BTC: variants seen among roughly 807,000 people sequenced by gnomAD.
BTC encodes betacellulin.
A neutral mutation model predicts 18.1 loss-of-function variants in BTC; 13 were observed. That is an observed-to-expected ratio of 0.72 (90% CI 0.47 to 1.14). BTC has a LOEUF of 1.14. Ranked by LOEUF, BTC falls within the 50% of genes most tolerant of loss-of-function variation. The pLI is 0.00. For missense variants in BTC, 247 were observed against 224.2 expected, an observed-to-expected ratio of 1.10 and a Z score of -0.65; for synonymous variants, 83 against 79.4, an observed-to-expected ratio of 1.05 and a Z score of -0.24.
intron 1 of BTC, among the ~76,000 whole-genome samples, chr4:74,778,398 T>A: frequency 6.6e-6 from 1 of 152,048 alleles, no homozygotes; most frequent in East Asian, 1.9e-4. Context: ...ACCACTTTAT[T>A]TGAGAGTTAC....
intron 2 of BTC, among the ~76,000 whole-genome samples, chr4:74,759,141 C>T (rs1724681700): frequency 1.3e-5 from 2 of 152,060 alleles, no homozygotes; most frequent in South Asian, 2.1e-4. Flanking sequence ...GTTTTCTGCC[C>T]ATCATGAGAC....
At chr4:74,782,617 G>T (rs1725363248) in intron 1 of BTC, among the ~76,000 whole-genome samples, 1 of 151,454 alleles carries the variant, frequency 6.6e-6, no homozygotes, top group African/African-American at 2.4e-5. Flanking sequence ...TATATGCCCA[G>T]TAATGGGATT....
intron 2 of BTC, among the ~76,000 whole-genome samples, chr4:74,768,787 G>C (rs145115645): frequency 2.8e-3 from 419 of 152,266 alleles, no homozygotes; most frequent in African/African-American, 9.4e-3. Context: ...TTAGGATGAT[G>C]ATGAGGAAGA....
intron 1 of BTC, among the ~76,000 whole-genome samples, chr4:74,787,250 TC>T (rs1354456244): frequency 6.6e-6 from 1 of 152,088 alleles, no homozygotes; most frequent in Non-Finnish European, 1.5e-5. Context: ...AAACTTCCCA[TC>T]CCCATTTTGT....
At chr4:74,768,503 C>A (rs28420261) in intron 2 of BTC, among the ~76,000 whole-genome samples, 35,511 of 151,994 alleles carry the variant, frequency 0.23, 5,446 homozygotes, top group African/African-American at 0.44. Flanking sequence ...AAGACAGTCA[C>A]AGAAAGACAA....
chr4:74,794,200 C>A, intron 1 of BTC, 62 bp downstream of exon 1: 5 of 1,543,590 alleles, frequency 3.2e-6, no homozygotes, highest in Non-Finnish European at 4.4e-6. Flanking sequence ...AGGGTTCGCC[C>A]TCCCCGCGAC....
chr4:74,750,842 TA>T (rs1181155678), intron 3 of BTC, 123 bp from the exon 4 acceptor site: 2 of 1,312,672 alleles, frequency 1.5e-6, no homozygotes, highest in South Asian at 1.4e-5. Flanking sequence ...GTTCCCTTTT[TA>T]AAAAAAGATG....
At chr4:74,778,662 C>T (rs1478278991) in intron 1 of BTC, among the ~76,000 whole-genome samples, 1 of 152,118 alleles carries the variant, frequency 6.6e-6, no homozygotes, top group Non-Finnish European at 1.5e-5. Context: ...TCACTTTCAT[C>T]ACCAATTTCC....
intron 2 of BTC, among the ~76,000 whole-genome samples, chr4:74,766,973 T>A (rs1286587790): frequency 6.6e-6 from 1 of 151,962 alleles, no homozygotes; most frequent in Non-Finnish European, 1.5e-5. Context: ...TGGTACTTAA[T>A]GGTAAAAAAT....
intron 1 of BTC, 84 bp downstream of exon 1, chr4:74,794,178 C>T (rs1217746718): frequency 1.3e-6 from 2 of 1,517,708 alleles, no homozygotes; most frequent in East Asian, 4.9e-5. Context: ...TGTCCAGATG[C>T]CAGCTCGGTT....
rs1416754953 is a variant in BTC, at chr4:74,745,223, T to C, written c.*1454A>G. ...TTTTGAAAATTATCAGTTGTTTGGC[T>C]TAGCTTTTACTAATAGGGGAGCTAT... On this transcript the variant is annotated 3_prime_UTR_variant, in exon 6 of 6. Coordinates refer to ENST00000395743, the MANE Select transcript of BTC (RefSeq NM_001729.4). 1.3e-5 allele frequency: 2 copies of C among 152,230 alleles called. No individual in the cohort carries two copies. The highest frequency in any genetic ancestry group is 2.9e-5 in the Non-Finnish European group (2 of 68,050). 9.4% of individuals were successfully genotyped at this position (152,230 alleles called of 1,614,324 possible).
At chr4:74,763,931 C>T (rs193028916) in intron 2 of BTC, among the ~76,000 whole-genome samples, 20 of 152,180 alleles carry the variant, frequency 1.3e-4, no homozygotes, top group Non-Finnish European at 2.2e-4. Flanking sequence ...AGTCACTGCA[C>T]ATTGTATACA....
chr4:74,771,871 C>T (rs1725051814), intron 1 of BTC, among the ~76,000 whole-genome samples: 1 of 151,918 alleles, frequency 6.6e-6, no homozygotes. Flanking sequence ...GATTTAGCTG[C>T]AAAATGGCAT....
At chr4:74,784,999 G>A (rs1164903489) in intron 1 of BTC, among the ~76,000 whole-genome samples, 1 of 152,232 alleles carries the variant, frequency 6.6e-6, no homozygotes, top group African/African-American at 2.4e-5. Flanking sequence ...CAGTTGAAAT[G>A]GTACCAAGTC....
Position 74,755,863 on chromosome 4 carries a change from A to G in BTC, c.277T>C (p.Cys93Arg), listed in dbSNP as rs1358889662. 11 of 1,613,840 alleles carry G rather than the reference A, an allele frequency of 6.8e-6. No homozygotes were observed. Among genetic ancestry groups the G allele is most frequent in the Non-Finnish European group, 8.5e-6 (10 of 1,179,924 alleles). ...RFVVAEQTPSCVCDEGYIGAR... is the reference protein window; with the variant it reads ...RFVVAEQTPSRVCDEGYIGAR... ...GGCTGAGGACACTCCACTTACACAC[A>G]GGAGGGCGTCTGCTCGGCCACCACG... is the stretch of plus-strand genomic sequence containing the variant. The change falls in exon 3 of 6, where the codon TGT (cysteine) becomes CGT (arginine). Residue 93 changes from cysteine to arginine, a missense_variant. Transcript: ENST00000395743.
chr4:74,764,793 G>A (rs1724853184), intron 2 of BTC, among the ~76,000 whole-genome samples: 1 of 152,118 alleles, frequency 6.6e-6, no homozygotes, highest in Admixed American at 6.5e-5. Flanking sequence ...TGCTGTATTA[G>A]TCTGTTCTCA....
intron 2 of BTC, 34 bp from the exon 3 acceptor site, chr4:74,756,010 C>G (rs1553956682): frequency 1.4e-6 from 2 of 1,476,712 alleles, no homozygotes; most frequent in South Asian, 1.1e-5. Flanking sequence ...TAAATCAACT[C>G]TCTTTAAATA....
intron 1 of BTC, among the ~76,000 whole-genome samples, chr4:74,774,563 T>C (rs1725127774): frequency 6.7e-6 from 1 of 149,820 alleles, no homozygotes. Flanking sequence ...AAAGGACAAA[T>C]AAAGTTGTAG....
intron 5 of BTC, 79 bp from the exon 6 acceptor site, chr4:74,746,754 G>A (rs1406911878): frequency 6.6e-6 from 1 of 151,536 alleles, no homozygotes; most frequent in African/African-American, 2.4e-5. Context: ...AAAATCCAGA[G>A]CCAGCCATTT....
Sources: gnomAD v4.1 joint callset for allele counts (sites outside exome capture counted in the v4.1 genomes callset) on GRCh38, gnomAD v4.1.1 for gene constraint, MANE v1.5 for transcripts, NCBI Gene and HGNC (gene_info 2026-07-23, HGNC 2026-07-21) for gene names.